The following TMEM108 variants were observed in gnomAD, a reference collection of about 807,000 sequenced individuals.
The protein encoded by TMEM108 is transmembrane protein 108, also known as cancer/testis antigen 124.
TMEM108 carries 12 observed loss-of-function variants against 35.1 expected under a neutral mutation model. That is an observed-to-expected ratio of 0.34 (90% confidence interval 0.22 to 0.55). The LOEUF (loss-of-function observed/expected upper bound fraction) is 0.55. Among genes scored for constraint, TMEM108 ranks in the 20% least tolerant of loss-of-function variants. The pLI, the probability that TMEM108 is intolerant of heterozygous loss-of-function variation, is 0.89. For synonymous variants in TMEM108, 287 were observed against 308.6 expected (o/e 0.93, Z 0.73); for missense variants, 680 against 753.3 (o/e 0.90, Z 1.14).
At chr3:133,331,904 G>A (rs1168691152) in intron 3 of TMEM108, among the ~76,000 whole-genome samples, 5 of 152,184 alleles carry the variant, frequency 3.3e-5, no homozygotes, top group Admixed American at 6.5e-5. Flanking sequence ...GGTTTGGATC[G>A]TGATCTGGTC....
intron 3 of TMEM108, among the ~76,000 whole-genome samples, chr3:133,363,632 GTGGGCTCAAGCAATCT>G (rs745992362): frequency 8.0e-4 from 122 of 152,078 alleles, no homozygotes; most frequent in Non-Finnish European, 1.1e-3. Flanking sequence ...TTTTGAACTT[GTGGGCTCAAGCAATCT>G]GCCTACCTTG....
intron 3 of TMEM108, among the ~76,000 whole-genome samples, chr3:133,357,334 G>A (rs1391098774): frequency 6.6e-6 from 1 of 152,078 alleles, no homozygotes; most frequent in Admixed American, 6.5e-5. Flanking sequence ...TGGTGGAAAT[G>A]TAAATTAGTA....
chr3:133,324,738 G>T (rs1239664426), intron 3 of TMEM108, among the ~76,000 whole-genome samples: 1 of 152,198 alleles, frequency 6.6e-6, no homozygotes, highest in Non-Finnish European at 1.5e-5. Flanking sequence ...AGCACTTTGG[G>T]AGGCCAAGGT....
At chr3:133,290,648 C>CA (rs986592910) in intron 3 of TMEM108, among the ~76,000 whole-genome samples, 185 of 150,762 alleles carry the variant, frequency 1.2e-3, no homozygotes, top group African/African-American at 4.4e-3. Context: ...AACAAATAAA[C>CA]AAAAAAACCG....
At chr3:133,390,361 A>G (rs753442594) in intron 5 of TMEM108, 27 bp downstream of exon 5, 11 of 1,611,548 alleles carry the variant, frequency 6.8e-6, no homozygotes, top group Non-Finnish European at 9.3e-6. Context: ...TGCTGGCCCC[A>G]CTGCAGGGAA....
At chr3:133,175,892 T>C (rs1412265557) in intron 2 of TMEM108, among the ~76,000 whole-genome samples, 4 of 144,710 alleles carry the variant, frequency 2.8e-5, no homozygotes, top group African/African-American at 1.0e-4. Context: ...GGATAAAGAG[T>C]CAAGACCCAT....
chr3:133,395,772 G>A, intron 5 of TMEM108, 92 bp from the exon 6 acceptor site: 2 of 1,323,976 alleles, frequency 1.5e-6, no homozygotes, highest in South Asian at 4.4e-5. Context: ...CATCAGTGCT[G>A]AAATAAATGT....
intron 2 of TMEM108, among the ~76,000 whole-genome samples, chr3:133,128,993 C>T (rs562043038): frequency 3.8e-4 from 58 of 152,050 alleles, no homozygotes; most frequent in Non-Finnish European, 6.8e-4. Context: ...TTAATATAGC[C>T]GGCCAGTAAT....
intron 3 of TMEM108, among the ~76,000 whole-genome samples, chr3:133,240,503 A>G (rs1297642514): frequency 6.6e-6 from 1 of 152,226 alleles, no homozygotes; most frequent in African/African-American, 2.4e-5. Flanking sequence ...ATTCCATTAC[A>G]CTGTTGGCAG....
chr3:133,069,426 G>C (rs1426385064), intron 2 of TMEM108, among the ~76,000 whole-genome samples: 11 of 152,064 alleles, frequency 7.2e-5, no homozygotes. Context: ...TACTCCCTCA[G>C]GACTCCTTCG....
intron 2 of TMEM108, among the ~76,000 whole-genome samples, chr3:133,051,900 C>T (rs551150033): frequency 6.6e-6 from 1 of 152,194 alleles, no homozygotes; most frequent in East Asian, 1.9e-4. Context: ...GATTATGGCA[C>T]TTTATAGTAG....
chr3:133,303,163 A>G (rs1947255143), intron 3 of TMEM108: 1 of 152,154 alleles, frequency 6.6e-6, no homozygotes, highest in African/African-American at 2.4e-5. Flanking sequence ...TAGTGGTGGT[A>G]CATATCTCAA....
chr3:133,141,208 T>G (rs1475034711), intron 2 of TMEM108, among the ~76,000 whole-genome samples: 1 of 152,142 alleles, frequency 6.6e-6, no homozygotes, highest in African/African-American at 2.4e-5. Context: ...AGAGCTATGG[T>G]GCCAGCAGGG....
In TMEM108 at chr3:133,293,061, G is replaced by T. The variant is rs115726979; in HGVS notation, c.40+63710G>T. Reference sequence around the variant, plus strand: ...ATATTCTTAAGAACAATAGGGAACAGAATTGTGCATAATTTAACCTTGTAA... The same window carrying T: ...ATATTCTTAAGAACAATAGGGAACATAATTGTGCATAATTTAACCTTGTAA... On this transcript the variant is annotated intron_variant, in intron 3 of 5. Coordinates refer to ENST00000321871, the MANE Select transcript of TMEM108 (RefSeq NM_023943.4). 1.4e-3 allele frequency among the ~76,000 whole-genome samples: 213 copies of T among 152,246 alleles called. 1 individual carries two copies. Among genetic ancestry groups the T allele is most frequent in the African/African-American group, 5.0e-3 (206 of 41,554 alleles).
rs1310067100 is a variant in TMEM108 at position 133,141,296 on chromosome 3, G to T, written c.-46-87970G>T. Among the ~76,000 whole-genome samples the T allele has an allele frequency of 2.0e-5, 3 of 152,242 alleles. No homozygotes were observed. The East Asian group carries it at 5.8e-4, about 29-fold the overall frequency. On this transcript the variant is annotated intron_variant, in intron 2 of 5. Coordinates refer to ENST00000321871, the MANE Select transcript of TMEM108 (RefSeq NM_023943.4). ...GTTCATTTCCAGGTCAGTGAAGCTTGCTGAGAGCCAGAGATAAAGGATGAG... is the reference window on the plus strand; with the variant it reads ...GTTCATTTCCAGGTCAGTGAAGCTTTCTGAGAGCCAGAGATAAAGGATGAG...
At chr3:133,202,924 G>T (rs925106780) in intron 2 of TMEM108, among the ~76,000 whole-genome samples, 1 of 152,160 alleles carries the variant, frequency 6.6e-6, no homozygotes, top group Non-Finnish European at 1.5e-5. Flanking sequence ...CTATCCATGA[G>T]CATGGAATGT....
rs1203221873 is a variant in TMEM108 at position 133,380,757 on chromosome 3, G to C, written c.1046G>C (p.Ser349Thr). The C allele has an allele frequency of 6.2e-7, 1 of 1,614,118 alleles. No individual in the cohort carries two copies. The highest frequency in any genetic ancestry group is 1.7e-5 in the Admixed American group (1 of 60,028). Residue 349 changes from serine to threonine, a missense_variant, in exon 4 of 6, where the codon AGC (serine) becomes ACC (threonine). This residue lies in a region of TMEM108 where 526 missense variants were observed against 532.1 expected (regional missense o/e 0.99). Coordinates refer to ENST00000321871, the MANE Select transcript of TMEM108 (RefSeq NM_023943.4). This position sits in a 1 kb window ranked among gnomAD's most constrained non-coding sequence, Gnocchi z 5.3. ...GGCACCAGCAGACCTCTGTCTACCA[G>C]CTCTGGGGTCTTCACGGCTGCCACG... Reference protein sequence around the residue: ...TPGTSRPLSTSSGVFTAATGP... With the variant: ...TPGTSRPLSTTSGVFTAATGP...
At chr3:133,162,185 T>G (rs1351344507) in intron 2 of TMEM108, among the ~76,000 whole-genome samples, 5 of 152,150 alleles carry the variant, frequency 3.3e-5, no homozygotes, top group Non-Finnish European at 5.9e-5. Flanking sequence ...GGTTGATCTC[T>G]TTAATCTTGG....
intron 3 of TMEM108, among the ~76,000 whole-genome samples, chr3:133,364,703 A>T (rs1253074437): frequency 6.6e-6 from 1 of 152,238 alleles, no homozygotes; most frequent in Non-Finnish European, 1.5e-5. Flanking sequence ...GGAGAAAGAC[A>T]TGGGAAAGGA....
Sources: allele counts gnomAD v4.1 joint callset (sites outside exome capture counted in the v4.1 genomes callset), GRCh38; gene constraint gnomAD v4.1.1; regional missense constraint gnomAD v4.1.1; non-coding constraint Gnocchi (gnomAD v3.1); transcripts MANE v1.5; gene names NCBI Gene and HGNC (gene_info 2026-07-23, HGNC 2026-07-21).